RPS6KC1: variants seen among roughly 807,000 people sequenced by gnomAD.
RPS6KC1 encodes the protein inactive ribosomal protein S6 kinase delta-1.
Under a neutral mutation model 103.8 loss-of-function variants are expected in RPS6KC1, and 54 were observed. The ratio of observed to expected loss-of-function variants is 0.52; its 90% CI spans 0.42 to 0.65. The LOEUF (loss-of-function observed/expected upper bound fraction) is 0.65, where lower values mean the gene tolerates loss of function less well. Ranked by LOEUF, RPS6KC1 falls within the 30% of genes least tolerant of loss-of-function variation. The pLI, the probability that RPS6KC1 is intolerant of heterozygous loss-of-function variation, is 0.00. For synonymous variants in RPS6KC1, 439 were observed against 438.7 expected, an observed-to-expected ratio of 1.00 and a Z score of -0.01; for missense variants, 1,151 against 1,253.8, an observed-to-expected ratio of 0.92 and a Z score of 1.24.
At chr1:213,363,687 TTTCTTTCTTTCTTTCC>T in the RPS6KC1 span, among the ~76,000 whole-genome samples, 187 of 86,558 alleles carry the variant, frequency 2.2e-3, 26 homozygotes, top group African/African-American at 9.3e-3. Flanking sequence ...TCTTTCTTTC[TTTCTTTCTTTCTTTCC>T]TTCTTTCTTT....
intron 1 of RPS6KC1, among the ~76,000 whole-genome samples, chr1:213,069,511 G>A (rs2078675672): frequency 6.6e-6 from 1 of 152,124 alleles, no homozygotes. Context: ...TTGAACCAAG[G>A]TTTGTCTGAC....
intron 4 of RPS6KC1, among the ~76,000 whole-genome samples, chr1:213,114,296 C>T (rs2083338192): frequency 7.3e-6 from 1 of 137,380 alleles, no homozygotes; most frequent in Admixed American, 7.2e-5. Context: ...AGTTGGATTC[C>T]TAGGTATTTT....
chr1:213,332,133 T>C, the RPS6KC1 span, among the ~76,000 whole-genome samples: 1 of 151,940 alleles, frequency 6.6e-6, no homozygotes, highest in African/African-American at 2.4e-5. Flanking sequence ...TTCAGATGCA[T>C]AACTTGGGTG....
At chr1:213,307,473 T>C in the RPS6KC1 span, among the ~76,000 whole-genome samples, 147,760 of 152,286 alleles carry the variant, frequency 0.97, 71,788 homozygotes, top group Non-Finnish European at 1. Flanking sequence ...CTTTATGTTT[T>C]TCTCTGCCTA....
At chr1:213,680,241 T>C in the RPS6KC1 span, among the ~76,000 whole-genome samples, 3 of 152,210 alleles carry the variant, frequency 2.0e-5, no homozygotes, top group Non-Finnish European at 4.4e-5. Context: ...AGCTTCTTGA[T>C]GTTGAATCGG....
the RPS6KC1 span, among the ~76,000 whole-genome samples, chr1:213,336,724 C>T: frequency 2.0e-5 from 3 of 152,096 alleles, no homozygotes; most frequent in Non-Finnish European, 2.9e-5. Flanking sequence ...ATGACTTGTC[C>T]GAGAATACAA....
the RPS6KC1 span, among the ~76,000 whole-genome samples, chr1:213,763,727 C>T: frequency 6.6e-6 from 1 of 152,276 alleles, no homozygotes. Context: ...TTGAACTCTG[C>T]CACAATGATT....
chr1:213,370,231 C>G, the RPS6KC1 span, among the ~76,000 whole-genome samples: 5 of 142,400 alleles, frequency 3.5e-5, no homozygotes, highest in Non-Finnish European at 5.9e-5. Flanking sequence ...TTACCTGCTT[C>G]TCTGTTATTT....
the RPS6KC1 span, among the ~76,000 whole-genome samples, chr1:213,357,498 G>T: frequency 1.3e-5 from 2 of 152,166 alleles, no homozygotes; most frequent in Non-Finnish European, 2.9e-5. Flanking sequence ...CTTAGCGATG[G>T]GTCCATACAG....
chr1:213,177,633 T>G (rs2091958958), intron 8 of RPS6KC1, among the ~76,000 whole-genome samples: 1 of 152,176 alleles, frequency 6.6e-6, no homozygotes. Flanking sequence ...TTTTCTTTTT[T>G]TAAGAGCCTG....
At chr1:213,802,399 C>T in the RPS6KC1 span, among the ~76,000 whole-genome samples, 1 of 152,144 alleles carries the variant, frequency 6.6e-6, no homozygotes, top group Admixed American at 6.5e-5. Context: ...AGTATAAATG[C>T]TATTATAGGC....
chr1:213,065,227 G>A (rs2078226215), intron 1 of RPS6KC1, among the ~76,000 whole-genome samples: 1 of 151,834 alleles, frequency 6.6e-6, no homozygotes, highest in African/African-American at 2.4e-5. Flanking sequence ...CACCCTCCTC[G>A]GCCTCCCAAA....
At chr1:213,792,860 G>A in the RPS6KC1 span, among the ~76,000 whole-genome samples, 1 of 150,224 alleles carries the variant, frequency 6.7e-6, no homozygotes, top group East Asian at 2.0e-4. Flanking sequence ...TCACACAAAG[G>A]TCACCTGGCC....
chr1:213,837,923 A>C, the RPS6KC1 span, among the ~76,000 whole-genome samples: 1 of 152,176 alleles, frequency 6.6e-6, no homozygotes, highest in Non-Finnish European at 1.5e-5. Context: ...TACTAGATGA[A>C]TTTATGTGCA....
chr1:213,322,056 A>G, the RPS6KC1 span, among the ~76,000 whole-genome samples: 3 of 152,224 alleles, frequency 2.0e-5, no homozygotes, highest in Non-Finnish European at 4.4e-5. Context: ...CTGTAATTCC[A>G]GCACTTTGGG....
the RPS6KC1 span, among the ~76,000 whole-genome samples, chr1:213,679,191 T>G: frequency 6.6e-6 from 1 of 152,184 alleles, no homozygotes; most frequent in Non-Finnish European, 1.5e-5. Flanking sequence ...CTTTGCCCTC[T>G]TAGCACTCGT....
chr1:213,358,718 C>T, the RPS6KC1 span, among the ~76,000 whole-genome samples: 1 of 151,944 alleles, frequency 6.6e-6, no homozygotes, highest in African/African-American at 2.4e-5. Context: ...TCTTTACACA[C>T]TGCTTTAAAT....
chr1:213,331,175 T>G, the RPS6KC1 span, among the ~76,000 whole-genome samples: 1 of 152,336 alleles, frequency 6.6e-6, no homozygotes, highest in South Asian at 2.1e-4. Context: ...TTTCTATCTG[T>G]TGATTTAATG....
the RPS6KC1 span, among the ~76,000 whole-genome samples, chr1:213,754,491 T>C: frequency 1.3e-5 from 2 of 152,164 alleles, no homozygotes; most frequent in African/African-American, 4.8e-5. Context: ...TTCTCACAAG[T>C]GGTTTATGTG....
Sources: gnomAD v4.1 joint callset for allele counts (sites outside exome capture counted in the v4.1 genomes callset) on GRCh38, gnomAD v4.1.1 for gene constraint, MANE v1.5 for transcripts, NCBI Gene and HGNC (gene_info 2026-07-23, HGNC 2026-07-21) for gene names.